Variants in ERICH1 observed in about 807,000 individuals in gnomAD.
The protein encoded by ERICH1 is glutamate rich 1, also known as glutamate-rich protein 1.
ERICH1 carries 56 observed loss-of-function variants against 39.6 expected under a neutral mutation model. That is an observed-to-expected ratio of 1.41 (90% CI 1.14 to 1.77). ERICH1 has a LOEUF of 1.77. Ranked by LOEUF, ERICH1 falls within the 40% of genes most tolerant of loss-of-function variation. The pLI is 0.00. For synonymous variants in ERICH1, 313 were observed against 223.6 expected, an observed-to-expected ratio of 1.40 and a Z score of -3.57; for missense variants, 826 against 575.4, an observed-to-expected ratio of 1.44 and a Z score of -4.45.
chr8:688,835 G>C (rs950430610), intron 3 of ERICH1, among the ~76,000 whole-genome samples: 1 of 152,202 alleles, frequency 6.6e-6, no homozygotes, highest in Admixed American at 6.5e-5. Context: ...TATCCAACAA[G>C]AAGTACACGA....
intron 4 of ERICH1, 50 bp from the exon 5 acceptor site, chr8:668,842 T>C: frequency 2.0e-6 from 3 of 1,504,114 alleles, no homozygotes; most frequent in African/African-American, 1.4e-5. Flanking sequence ...TTTATTTCTA[T>C]AAACTAAAGA....
intron 3 of ERICH1, among the ~76,000 whole-genome samples, chr8:633,995 G>C (rs561688011): frequency 6.6e-6 from 1 of 152,140 alleles, no homozygotes; most frequent in Admixed American, 6.5e-5. Flanking sequence ...TGACACCAAA[G>C]GCCCAGGCGA....
chr8:659,939 G>A (rs894349865), downstream of ERICH1, among the ~76,000 whole-genome samples: 9 of 152,158 alleles, frequency 5.9e-5, no homozygotes, highest in Admixed American at 2.0e-4. Flanking sequence ...CTGTCTGTCC[G>A]TCTCCCTTCC....
chr8:705,152 T>G (rs1234353069), intron 2 of ERICH1, among the ~76,000 whole-genome samples: 1 of 152,232 alleles, frequency 6.6e-6, no homozygotes, highest in Non-Finnish European at 1.5e-5. Context: ...TTGCCATAAT[T>G]ACCATGCTTT....
intron 2 of ERICH1, among the ~76,000 whole-genome samples, chr8:711,651 C>G (rs1008227081): frequency 1.3e-5 from 2 of 152,128 alleles, no homozygotes; most frequent in African/African-American, 2.4e-5. Flanking sequence ...GCGCCCGCCA[C>G]CATGCCCAGC....
intron 3 of ERICH1, among the ~76,000 whole-genome samples, chr8:644,026 G>T (rs1799320023): frequency 6.6e-6 from 1 of 152,224 alleles, no homozygotes; most frequent in Non-Finnish European, 1.5e-5. Flanking sequence ...GCTTGGTGGG[G>T]GCGCACACTG....
chr8:636,543 A>C (rs532261181), intron 3 of ERICH1, among the ~76,000 whole-genome samples: 2 of 152,350 alleles, frequency 1.3e-5, no homozygotes, highest in South Asian at 4.1e-4. Flanking sequence ...CTCCTCACGG[A>C]CGGAGGCCTG....
rs1554526181 is a variant in ERICH1 at position 708,685 on chromosome 8, T to TTTG, written c.169+7175_169+7176insCAA. Among the ~76,000 whole-genome samples the TTTG allele has an allele frequency of 1.5e-3, 73 of 47,178 alleles. 3 individuals carry two copies. Among genetic ancestry groups the TTTG allele is most frequent in the Non-Finnish European group, 2.4e-3 (53 of 21,802 alleles). 31.0% of individuals were successfully genotyped at this position (47,178 alleles called of 152,430 possible). ...TGAGTGGTTACGGGATAATGAGTTTTTTTTTTTTTTTTTTTTTTTTTTTTT... is the reference window on the plus strand; with the variant it reads ...TGAGTGGTTACGGGATAATGAGTTTTTTGTTTTTTTTTTTTTTTTTTTTTTTTT... On this transcript the variant is annotated intron_variant, in intron 2 of 5. Transcript: ENST00000262109.
chr8:683,646 A>G (rs1806654364), intron 3 of ERICH1, among the ~76,000 whole-genome samples: 1 of 152,256 alleles, frequency 6.6e-6, no homozygotes. Context: ...TTTTGATTCC[A>G]AATGGTACTG....
intron 2 of ERICH1, among the ~76,000 whole-genome samples, chr8:707,208 C>CG (rs1813482583): frequency 2.2e-5 from 3 of 136,422 alleles, no homozygotes; most frequent in Admixed American, 1.5e-4. Flanking sequence ...TTTTTTGTTT[C>CG]TTTTTTTTTT....
chr8:707,226 T>TC (rs34236829), intron 2 of ERICH1, among the ~76,000 whole-genome samples: 12,869 of 146,306 alleles, frequency 0.088, 675 homozygotes, highest in Middle Eastern at 0.12. Context: ...TTTTTTTTTT[T>TC]AGACAGAGTA....
At chr8:682,564 C>T (rs921897303) in intron 3 of ERICH1, among the ~76,000 whole-genome samples, 10 of 152,214 alleles carry the variant, frequency 6.6e-5, no homozygotes, top group African/African-American at 2.4e-4. Flanking sequence ...TCACACCCAG[C>T]AGCTGAAAGC....
intron 3 of ERICH1, among the ~76,000 whole-genome samples, chr8:633,035 G>A (rs1025009913): frequency 3.3e-5 from 5 of 152,198 alleles, no homozygotes; most frequent in African/African-American, 9.7e-5. Context: ...CGCTGCTGGT[G>A]GCCTGAGAAA....
intron 3 of ERICH1, chr8:691,222 A>T (rs1449891866): frequency 2.5e-5 from 3 of 120,004 alleles, no homozygotes; most frequent in Non-Finnish European, 5.4e-5. Context: ...GGGCAACAGG[A>T]AAGGAGTGAC....
intron 3 of ERICH1, among the ~76,000 whole-genome samples, chr8:618,205 G>C (rs528232163): frequency 1.3e-4 from 19 of 151,572 alleles, no homozygotes; most frequent in African/African-American, 4.6e-4. Flanking sequence ...CTGAGTGCTA[G>C]GTACTTGGTC....
intron 5 of ERICH1, chr8:666,061 G>C (rs2131793168): frequency 6.6e-6 from 1 of 152,288 alleles, no homozygotes; most frequent in Non-Finnish European, 1.5e-5. Context: ...ATATCCTACA[G>C]AACTCAAAGG....
In ERICH1 at chr8:668,810, T is replaced by C; in HGVS notation, c.1064-18A>G. 1 of 1,571,556 alleles carries C rather than the reference T, an allele frequency of 6.4e-7. No individual in the cohort carries two copies. Among genetic ancestry groups the C allele is most frequent in the Non-Finnish European group, 8.6e-7 (1 of 1,161,360 alleles). On this transcript the variant is annotated intron_variant, in intron 4 of 5. Coordinates refer to ENST00000262109, the MANE Select transcript of ERICH1 (RefSeq NM_207332.3). ...GGAGACACCTACATAAAGTCAGTTT[T>C]GCTTGGAAATACAGTTTTGTTTTTA... is the stretch of plus-strand genomic sequence containing the variant.
chr8:684,228 T>A (rs1029098010), intron 3 of ERICH1, among the ~76,000 whole-genome samples: 2 of 152,162 alleles, frequency 1.3e-5, no homozygotes, highest in African/African-American at 2.4e-5. Flanking sequence ...GTCAAAACCA[T>A]GAGGCAAGTC....
intron 3 of ERICH1, among the ~76,000 whole-genome samples, chr8:634,620 T>A (rs910522691): frequency 6.6e-6 from 1 of 152,068 alleles, no homozygotes; most frequent in Non-Finnish European, 1.5e-5. Context: ...GTGCCCACTG[T>A]GTGCGCAGAA....
Sources: allele counts gnomAD v4.1 joint callset (sites outside exome capture counted in the v4.1 genomes callset), GRCh38; gene constraint gnomAD v4.1.1; transcripts MANE v1.5; gene names NCBI Gene and HGNC (gene_info 2026-07-23, HGNC 2026-07-21).